Variants in REV1 observed in about 807,000 individuals in gnomAD.
The protein encoded by REV1 is REV1 DNA directed polymerase, also known as translesion synthesis protein REV1.
In REV1, 42 loss-of-function variants were observed where a neutral mutation model predicts 137.4. That is an observed-to-expected ratio of 0.31 (90% CI 0.24 to 0.40). The LOEUF is 0.40. Ranked by LOEUF, REV1 falls within the 10% of genes least tolerant of loss-of-function variation. The pLI, the probability that REV1 is intolerant of heterozygous loss-of-function variation, is 1.00. For missense variants in REV1, 1,282 were observed against 1,490.1 expected, an observed-to-expected ratio of 0.86 and a Z score of 2.30; for synonymous variants, 524 against 519.2, an observed-to-expected ratio of 1.01 and a Z score of -0.12.
At chr2:99,403,508 C>G (rs1161930999) in intron 19 of REV1, 187 bp downstream of exon 19, 1 of 765,638 alleles carries the variant, frequency 1.3e-6, no homozygotes, top group African/African-American at 1.7e-5. Context: ...CCTGAAAGTA[C>G]AGACACAAAT....
intron 19 of REV1, chr2:99,403,413 G>A (rs1031462258): frequency 3.6e-6 from 2 of 559,930 alleles, no homozygotes; most frequent in Non-Finnish European, 6.3e-6. Context: ...CATCTCAAAG[G>A]ACAACTAGCT....
chr2:99,483,605 T>C (rs1686842239), intron 1 of REV1, among the ~76,000 whole-genome samples: 1 of 152,240 alleles, frequency 6.6e-6, no homozygotes. Context: ...GAAAGTATCA[T>C]TTTCAACTGC....
chr2:99,477,973 C>G (rs913569703), intron 1 of REV1, among the ~76,000 whole-genome samples: 2 of 152,198 alleles, frequency 1.3e-5, no homozygotes, highest in African/African-American at 4.8e-5. Flanking sequence ...TGGCTCACAC[C>G]TGTAATCCCA....
chr2:99,439,310 T>C lies in REV1; in HGVS notation c.504A>G (p.Val168=). ...SNIAKQLNNR[V]NHIVKKIETE... ...TTTCAATCTTCTTAACGATGTGATT[T>C]CTAAAGCAGGAAAAAATTTTTGAGT... The change falls in exon 6 of 23, where the codon GTA becomes GTG. Residue 168 remains valine (V), a splice_region_variant and synonymous_variant. Coordinates refer to ENST00000258428, the MANE Select transcript of REV1 (RefSeq NM_016316.4). The C allele has an allele frequency of 1.3e-6, 2 of 1,591,338 alleles. No homozygotes were observed. The highest frequency in any genetic ancestry group is 1.7e-6 in the Non-Finnish European group (2 of 1,168,744).
At chr2:99,418,371 A>G (rs898969955) in intron 12 of REV1, among the ~76,000 whole-genome samples, 3 of 152,218 alleles carry the variant, frequency 2.0e-5, no homozygotes, top group African/African-American at 7.2e-5. Context: ...TTCCTAATAC[A>G]GCTCACACAC....
At chr2:99,451,909 C>T (rs2104977686) in intron 3 of REV1, among the ~76,000 whole-genome samples, 1 of 152,152 alleles carries the variant, frequency 6.6e-6, no homozygotes, top group East Asian at 1.9e-4. Flanking sequence ...GGCTGGCATG[C>T]TAACTGTTGG....
chr2:99,420,615 C>T (rs1267211702), intron 11 of REV1, among the ~76,000 whole-genome samples: 2 of 152,342 alleles, frequency 1.3e-5, no homozygotes, highest in African/African-American at 2.4e-5. Flanking sequence ...CCCCTCCTCT[C>T]GGGAAATGGA....
At chr2:99,432,052 T>C (rs919400335) in intron 8 of REV1, 3 of 334,024 alleles carry the variant, frequency 9.0e-6, no homozygotes, top group African/African-American at 4.5e-5. Context: ...ATCTGTATCC[T>C]GGAAATCCAG....
At chr2:99,423,065 T>C (rs922377244) in intron 10 of REV1, among the ~76,000 whole-genome samples, 3 of 152,236 alleles carry the variant, frequency 2.0e-5, no homozygotes, top group Admixed American at 6.5e-5. Context: ...TTTGTGTTAA[T>C]AGAATAGCTA....
rs1305844924 is a variant in REV1, at chr2:99,421,660, A to T, written c.1677-7T>A. ...TTCAATGTTATGAGTGTAGCTATCA[A>T]CACAGAGCAAAGGCAACGAATCACA... On this transcript the variant is annotated splice_region_variant and splice_polypyrimidine_tract_variant and intron_variant, in intron 10 of 22. Coordinates refer to ENST00000258428, the MANE Select transcript of REV1 (RefSeq NM_016316.4). 6.2e-7 allele frequency: 1 copy of T among 1,609,878 alleles called. No individual in the cohort carries two copies.
intron 3 of REV1, among the ~76,000 whole-genome samples, chr2:99,454,691 G>C (rs1312778887): frequency 6.6e-6 from 1 of 151,898 alleles, no homozygotes; most frequent in East Asian, 1.9e-4. Flanking sequence ...GCTGCAGTGA[G>C]CTATGATCAG....
chr2:99,457,938 A>T (rs1360075677), intron 3 of REV1, among the ~76,000 whole-genome samples: 4 of 108,006 alleles, frequency 3.7e-5, no homozygotes, highest in African/African-American at 9.5e-5. Context: ...ATCCACAAAT[A>T]AAAAAAAAAA....
chr2:99,428,987 G>T (rs943173270), intron 9 of REV1, among the ~76,000 whole-genome samples: 3 of 127,026 alleles, frequency 2.4e-5, no homozygotes, highest in South Asian at 2.5e-4. Context: ...GCGAGACTCC[G>T]TCTCAAAAAA....
chr2:99,444,019 A>G (rs1292342132), intron 4 of REV1, among the ~76,000 whole-genome samples: 1 of 151,912 alleles, frequency 6.6e-6, no homozygotes, highest in Non-Finnish European at 1.5e-5. Flanking sequence ...ACGGGGTTTC[A>G]CCGTGTTAGC....
At chr2:99,476,476 A>C (rs1291169641) in intron 1 of REV1, among the ~76,000 whole-genome samples, 1 of 152,064 alleles carries the variant, frequency 6.6e-6, no homozygotes, top group Non-Finnish European at 1.5e-5. Context: ...GAATTGCTTG[A>C]ACCCGGGAGG....
intron 12 of REV1, 50 bp from the exon 13 acceptor site, chr2:99,413,001 G>A (rs1385400862): frequency 2.3e-6 from 3 of 1,304,728 alleles, no homozygotes; most frequent in Middle Eastern, 2.0e-4. Flanking sequence ...CTAATAACAA[G>A]TTTATTAACA....
In REV1 at chr2:99,403,110, A is replaced by C; in HGVS notation, c.3167-4T>G. On this transcript the variant is annotated splice_region_variant and splice_polypyrimidine_tract_variant and intron_variant, in intron 19 of 22. Transcript: ENST00000258428. The stretch of plus-strand genomic sequence containing the variant: ...TGAAGTAAAGGATTCTTTGGCACTA[A>C]GAGCAGATGGATATAAGATCCTCAA... 6.3e-7 allele frequency: 1 copy of C among 1,587,768 alleles called. No homozygotes were observed. Among genetic ancestry groups the C allele is most frequent in the Non-Finnish European group, 8.6e-7 (1 of 1,165,712 alleles).
intron 8 of REV1, among the ~76,000 whole-genome samples, chr2:99,430,331 G>A (rs1338627979): frequency 6.6e-6 from 1 of 152,064 alleles, no homozygotes; most frequent in Admixed American, 6.5e-5. Flanking sequence ...CGGTAGTGGG[G>A]AAAAGTTAAC....
At chr2:99,411,121 C>T (rs1402910307) in intron 13 of REV1, among the ~76,000 whole-genome samples, 3 of 152,050 alleles carry the variant, frequency 2.0e-5, no homozygotes, top group African/African-American at 7.2e-5. Flanking sequence ...AACCTCATCT[C>T]TACTAAAAAT....
Sources: gnomAD v4.1 joint callset for allele counts (sites outside exome capture counted in the v4.1 genomes callset) on GRCh38, gnomAD v4.1.1 for gene constraint, MANE v1.5 for transcripts, NCBI Gene and HGNC (gene_info 2026-07-23, HGNC 2026-07-21) for gene names.